SNX31: variants seen among roughly 807,000 people sequenced by gnomAD.
SNX31 encodes the protein sorting nexin 31, also known as sorting nexin-31.
A neutral mutation model predicts 65.4 loss-of-function variants in SNX31; 58 were observed. The observed-to-expected ratio is 0.89, with a 90% CI of 0.72 to 1.10. The LOEUF is 1.10. Ranked by LOEUF, SNX31 falls within the 50% of genes least tolerant of loss-of-function variation. The pLI is 0.00. For synonymous variants in SNX31, 181 were observed against 190.1 expected (o/e 0.95, Z 0.39); for missense variants, 523 against 529.7 (o/e 0.99, Z 0.12).
chr8:100,634,882 C>A (rs1818648091), intron 3 of SNX31, among the ~76,000 whole-genome samples: 2 of 151,258 alleles, frequency 1.3e-5, no homozygotes, highest in Non-Finnish European at 2.9e-5. Context: ...ATAGTGAGAC[C>A]CCACCTCTGT....
rs1454608978 is a variant in SNX31, at chr8:100,577,032, A to G, written c.1214T>C (p.Ile405Thr). Residue 405 changes from isoleucine (I) to threonine (T), a missense_variant, in exon 13 of 14, where the codon ATT (isoleucine) becomes ACT (threonine). Physicochemically the swap from Ile to Thr is moderately conservative, Grantham distance 89 (BLOSUM62 -1). Coordinates refer to ENST00000311812, the MANE Select transcript of SNX31 (RefSeq NM_152628.4). ...TTACTCACAGACCTGGCTTTGTTGAATGTGGTATTTTTTACTTTTGCTTTG... is the reference window on the plus strand; with the variant it reads ...TTACTCACAGACCTGGCTTTGTTGAGTGTGGTATTTTTTACTTTTGCTTTG... ...PEQSKSKKYH[I>T]QQSQQKDYSS... The G allele has an allele frequency of 6.2e-7, 1 of 1,613,482 alleles. No homozygotes were observed. Among genetic ancestry groups the G allele is most frequent in the African/African-American group, 1.3e-5 (1 of 75,042 alleles).
intron 2 of SNX31, among the ~76,000 whole-genome samples, chr8:100,644,701 G>C (rs932794980): frequency 6.6e-6 from 1 of 152,224 alleles, no homozygotes; most frequent in African/African-American, 2.4e-5. Context: ...GTCTCCCTCT[G>C]TTGCCCAGCC....
upstream of SNX31, among the ~76,000 whole-genome samples, chr8:100,652,795 G>T (rs578017945): frequency 6.6e-6 from 1 of 152,190 alleles, no homozygotes; most frequent in Admixed American, 6.5e-5. Flanking sequence ...AGGGCAGTAG[G>T]GTCCACGAGG....
intron 9 of SNX31, among the ~76,000 whole-genome samples, chr8:100,597,588 GA>G (rs1815233956): frequency 6.6e-6 from 1 of 152,232 alleles, no homozygotes; most frequent in South Asian, 2.1e-4. Context: ...TATGTAGGAA[GA>G]AAAGTGGTTC....
chr8:100,641,595 T>TAC (rs1554587422), intron 2 of SNX31, among the ~76,000 whole-genome samples: 101 of 22,062 alleles, frequency 4.6e-3, no homozygotes, highest in African/African-American at 0.02. Context: ...TATATATATA[T>TAC]ACACATACAC....
In SNX31 at chr8:100,658,635, A is replaced by G. The variant is rs143946298; in HGVS notation, c.-58+4507T>C. The stretch of plus-strand genomic sequence containing the variant: ...TAAGGAAACTGAGATCAGAGAGGTT[A>G]AGCATCTTGCCCAAAGTTGCACAGC... On this transcript the variant is annotated intron_variant, in intron 1 of 5. Coordinates refer to the SNX31 transcript ENST00000520352. Among the ~76,000 whole-genome samples, 110 of 152,328 alleles carry G rather than the reference A, an allele frequency of 7.2e-4. 1 individual carries two copies. The highest frequency in any genetic ancestry group is 2.4e-3 in the African/African-American group (101 of 41,580).
intron 5 of SNX31, among the ~76,000 whole-genome samples, chr8:100,617,219 C>T (rs887640014): frequency 3.9e-5 from 6 of 152,160 alleles, no homozygotes; most frequent in Non-Finnish European, 8.8e-5. Flanking sequence ...TTCAAGAACT[C>T]CCCTGTCACC....
rs1816843634 is a variant in SNX31 at position 100,612,937 on chromosome 8, C to G, written c.523+58G>C. 3 of 1,461,630 alleles carry G rather than the reference C, an allele frequency of 2.1e-6. No individual in the cohort carries two copies. Among genetic ancestry groups the G allele is most frequent in the Admixed American group, 1.7e-5 (1 of 59,752 alleles). The allele number at this position is 1,461,630 out of a possible 1,614,324, so 90.5% of individuals were successfully genotyped here. On this transcript the variant is annotated intron_variant, in intron 6 of 13. Transcript: ENST00000311812. The surrounding 1 kb of genome is among the most constrained non-coding windows in gnomAD (Gnocchi z 4.3). ...CCCTCAGCTGTGACTCCTATGAGCCCCTGCTCACACCTGTCCACCCCATCT... is the reference window on the plus strand; with the variant it reads ...CCCTCAGCTGTGACTCCTATGAGCCGCTGCTCACACCTGTCCACCCCATCT...
intron 4 of SNX31, among the ~76,000 whole-genome samples, chr8:100,621,831 G>C (rs1452949984): frequency 6.6e-6 from 1 of 152,204 alleles, no homozygotes; most frequent in African/African-American, 2.4e-5. Flanking sequence ...TCCTCCTCCT[G>C]TCTGGCACGT....
intron 10 of SNX31, among the ~76,000 whole-genome samples, chr8:100,595,732 C>T (rs1045746395): frequency 8.5e-5 from 13 of 152,128 alleles, no homozygotes; most frequent in African/African-American, 2.9e-4. Flanking sequence ...GAAAAGGACT[C>T]GTCTGCTTCA....
chr8:100,629,059 G>A lies in SNX31; in HGVS notation c.321+1268C>T, dbSNP rs965798045. Among the ~76,000 whole-genome samples, 3 of 152,152 alleles carry A rather than the reference G, an allele frequency of 2.0e-5. No individual in the cohort carries two copies. Among genetic ancestry groups the A allele is most frequent in the African/African-American group, 7.2e-5 (3 of 41,428 alleles). The stretch of plus-strand genomic sequence containing the variant: ...GCAGTAGGCTCTACCATCTAGGTTT[G>A]TGGTGTTCACACAATGACAAAATCG... On this transcript the variant is annotated intron_variant, in intron 4 of 13. Coordinates refer to ENST00000311812, the MANE Select transcript of SNX31 (RefSeq NM_152628.4). The surrounding 1 kb of genome is among the most constrained non-coding windows in gnomAD (Gnocchi z 5.1).
chr8:100,659,234 T>C (rs1266303411), intron 1 of SNX31, among the ~76,000 whole-genome samples: 2 of 151,666 alleles, frequency 1.3e-5, no homozygotes, highest in African/African-American at 2.4e-5. Context: ...TAATCCTAGC[T>C]ACTCGGGAGG....
At chr8:100,657,452 CAAAAAAA>C (rs34516016) in intron 1 of SNX31, among the ~76,000 whole-genome samples, 55 of 102,454 alleles carry the variant, frequency 5.4e-4, no homozygotes, top group African/African-American at 1.9e-3. Flanking sequence ...AACTCCAACT[CAAAAAAA>C]AAAAAAGAAA....
chr8:100,627,080 G>A (rs558269640), intron 4 of SNX31, among the ~76,000 whole-genome samples: 11 of 152,296 alleles, frequency 7.2e-5, no homozygotes, highest in South Asian at 2.1e-4. Context: ...CTGGCTGGGC[G>A]CAGTGGCTCA....
At chr8:100,654,721 G>A (rs1276607256) in intron 1 of SNX31, among the ~76,000 whole-genome samples, 2 of 152,180 alleles carry the variant, frequency 1.3e-5, no homozygotes, top group Non-Finnish European at 2.9e-5. Flanking sequence ...GATGGAAAAA[G>A]TAAAGATGGG....
rs568983844 is a variant in SNX31, at chr8:100,649,298, G to T, written c.117C>A (p.Ser39Arg). Residue 39 changes from serine to arginine, a missense_variant, in exon 2 of 14, where the codon AGC (serine) becomes AGA (arginine). Physicochemically the swap from Ser to Arg is moderately radical, Grantham distance 110. Transcript: ENST00000311812. ...CCTGTTCGTTCCAACCGTGCAGCTG[G>T]CTGTAGCGCACCCTGCAGAAGAGGA... ...DGFLFCRVRY[S>R]QLHGWNEQLR... is the part of the protein sequence containing the mutation. The T allele has an allele frequency of 6.2e-7, 1 of 1,614,058 alleles. No individual in the cohort carries two copies. Among genetic ancestry groups the T allele is most frequent in the South Asian group, 1.1e-5 (1 of 91,074 alleles).
intron 4 of SNX31, chr8:100,620,031 C>T (rs1817570131): frequency 6.6e-6 from 1 of 152,176 alleles, no homozygotes; most frequent in South Asian, 2.1e-4. Flanking sequence ...TGCACACATT[C>T]TGTATCATGT....
rs1008659568 is a variant in SNX31 at position 100,572,959 on chromosome 8, C to CT, written c.*905dup. On this transcript the variant is annotated 3_prime_UTR_variant, in exon 14 of 14. Transcript: ENST00000311812. ...CCAGTTAGAACATTAGAATATTGTA[C>CT]TTTTTCTAATTACACTATACAGATT... 3 of 152,356 alleles carry CT rather than the reference C, an allele frequency of 2.0e-5. No homozygotes were observed. The highest frequency in any genetic ancestry group is 7.3e-5 in the African/African-American group (3 of 41,372). The allele number at this position is 152,356 out of a possible 1,614,324, so 9.4% of individuals were successfully genotyped here. A position where few individuals can be genotyped will look rare whatever the true frequency, so the allele number is the denominator to read the frequency against.
intron 9 of SNX31, 27 bp from the exon 10 acceptor site, chr8:100,596,869 GA>G: frequency 6.2e-7 from 1 of 1,605,884 alleles, no homozygotes; most frequent in South Asian, 1.1e-5. Flanking sequence ...GATGTGGGGG[GA>G]GGGGAGGCAA....
Sources: gnomAD v4.1 joint callset for allele counts (sites outside exome capture counted in the v4.1 genomes callset) on GRCh38, gnomAD v4.1.1 for gene constraint, Gnocchi (gnomAD v3.1) non-coding constraint, MANE v1.5 for transcripts, NCBI Gene and HGNC (gene_info 2026-07-23, HGNC 2026-07-21) for gene names.